TRPC6: variants seen among roughly 807,000 people sequenced by gnomAD.
TRPC6 encodes the protein short transient receptor potential channel 6.
A neutral mutation model predicts 90.7 loss-of-function variants in TRPC6; 55 were observed. The observed-to-expected ratio is 0.61, with a 90% CI of 0.49 to 0.76. The LOEUF is 0.76. TRPC6 is among the 30% of genes least tolerant of loss of function. The probability of loss-of-function intolerance (pLI) is 0.00; values close to 1 mark genes in which losing one functional copy is unlikely to be tolerated. For missense variants in TRPC6, 989 were observed against 1,122.7 expected (o/e 0.88, Z 1.70); for synonymous variants, 393 against 393.0 (o/e 1.00, Z 0.00).
At position 101,453,639 on chromosome 11, in the gene TRPC6, G is replaced by A. The variant is rs773475082; in HGVS notation, c.2644+11C>T. The A allele has an allele frequency of 7.4e-6, 12 of 1,613,622 alleles. No individual in the cohort carries two copies. Among genetic ancestry groups the A allele is most frequent in the East Asian group, 4.5e-5 (2 of 44,876 alleles). On this transcript the variant is annotated intron_variant, in intron 12 of 12. Transcript: ENST00000344327. Reference sequence around the variant, plus strand: ...CATTCAGGGGCTGATTTGCTTCTGCGTTCAACTCACCTTCGTTCACTTCAT... The same window carrying A: ...CATTCAGGGGCTGATTTGCTTCTGCATTCAACTCACCTTCGTTCACTTCAT...
At position 101,583,799 on chromosome 11, in the gene TRPC6, G is replaced by T; in HGVS notation, c.-296C>A. 2.8e-6 allele frequency: 1 copy of T among 351,638 alleles called. No individual in the cohort carries two copies. Among genetic ancestry groups the T allele is most frequent in the Non-Finnish European group, 5.1e-6 (1 of 195,628 alleles). 21.8% of individuals were successfully genotyped at this position (351,638 alleles called of 1,614,324 possible). ...GCGCCCGGGCAGAGAGGGCACAGGCGGGGCCGCTGGTGGTAGCGAAGCGTA... is the reference window on the plus strand; with the variant it reads ...GCGCCCGGGCAGAGAGGGCACAGGCTGGGCCGCTGGTGGTAGCGAAGCGTA... On this transcript the variant is annotated 5_prime_UTR_variant, in exon 1 of 13. Coordinates refer to ENST00000344327, the MANE Select transcript of TRPC6 (RefSeq NM_004621.6).
intron 1 of TRPC6, among the ~76,000 whole-genome samples, chr11:101,551,945 G>A (rs1464535263): frequency 6.6e-6 from 1 of 151,996 alleles, no homozygotes; most frequent in East Asian, 1.9e-4. Flanking sequence ...GTGTCTCCTT[G>A]TAGAAACTGG....
chr11:101,577,839 G>A (rs1211667586), intron 1 of TRPC6, among the ~76,000 whole-genome samples: 1 of 152,188 alleles, frequency 6.6e-6, no homozygotes, highest in East Asian at 1.9e-4. Flanking sequence ...CCTCAGGCTA[G>A]AGAGCTAAAA....
At chr11:101,558,203 G>C (rs1470986773) in intron 1 of TRPC6, among the ~76,000 whole-genome samples, 1 of 79,990 alleles carries the variant, frequency 1.3e-5, no homozygotes, top group African/African-American at 4.9e-5. Flanking sequence ...ATATATGTGT[G>C]TGTATACATG....
intron 10 of TRPC6, among the ~76,000 whole-genome samples, chr11:101,461,125 T>C (rs1034220673): frequency 3.3e-5 from 5 of 152,230 alleles, no homozygotes; most frequent in Admixed American, 1.3e-4. Flanking sequence ...CAGGAATGAC[T>C]GAATTCTTTT....
At chr11:101,506,369 C>T (rs2136747429) in intron 1 of TRPC6, among the ~76,000 whole-genome samples, 1 of 152,250 alleles carries the variant, frequency 6.6e-6, no homozygotes, top group African/African-American at 2.4e-5. Context: ...GTTGCTTTCC[C>T]TACTGGCCTT....
chr11:101,573,663 C>T (rs1210661145), intron 1 of TRPC6, among the ~76,000 whole-genome samples: 1 of 152,166 alleles, frequency 6.6e-6, no homozygotes, highest in African/African-American at 2.4e-5. Context: ...CTCTAGCCCA[C>T]TGAACATCAT....
intron 2 of TRPC6, among the ~76,000 whole-genome samples, 175 bp from the exon 3 acceptor site, chr11:101,491,913 T>C (rs899439846): frequency 7.0e-6 from 1 of 142,480 alleles, no homozygotes; most frequent in Non-Finnish European, 1.5e-5. Context: ...CAATCTTGGC[T>C]CACTGCAAGA....
intron 1 of TRPC6, among the ~76,000 whole-genome samples, chr11:101,527,865 AG>A (rs1860816109): frequency 6.6e-6 from 1 of 152,086 alleles, no homozygotes; most frequent in African/African-American, 2.4e-5. Flanking sequence ...TGAGGTCAGG[AG>A]TTAGAGACCA....
chr11:101,453,765 G>T (rs1324201635), intron 11 of TRPC6, 40 bp from the exon 12 acceptor site: 1 of 1,578,736 alleles, frequency 6.3e-7, no homozygotes, highest in South Asian at 1.1e-5. Flanking sequence ...TCAGTTTCAG[G>T]TTCATGACAA....
At chr11:101,483,727 T>C (rs1859606918) in intron 4 of TRPC6, among the ~76,000 whole-genome samples, 1 of 152,192 alleles carries the variant, frequency 6.6e-6, no homozygotes, top group African/African-American at 2.4e-5. Flanking sequence ...CTACAGTGTA[T>C]TGAAACAATC....
At chr11:101,562,363 T>G (rs1296400859) in intron 1 of TRPC6, among the ~76,000 whole-genome samples, 2 of 152,202 alleles carry the variant, frequency 1.3e-5, no homozygotes, top group Non-Finnish European at 2.9e-5. Context: ...TTAGTACCTG[T>G]GAATTTGGAC....
At chr11:101,463,362 T>C (rs1340062579) in intron 10 of TRPC6, among the ~76,000 whole-genome samples, 1 of 152,246 alleles carries the variant, frequency 6.6e-6, no homozygotes, top group Non-Finnish European at 1.5e-5. Context: ...TTCTATTGTT[T>C]GGAATAGTTT....
rs72974376 is a variant in TRPC6 at position 101,561,535 on chromosome 11, C to T, written c.170+21799G>A. On this transcript the variant is annotated intron_variant, in intron 1 of 12. Transcript: ENST00000344327. ...AGTGGTTCTCATCCTTTATATCCTT[C>T]TACTCTACATCTGACCCAAGAGCTC... Among the ~76,000 whole-genome samples, 621 of 152,192 alleles carry T rather than the reference C, an allele frequency of 4.1e-3. 3 individuals carry two copies. The highest frequency in any genetic ancestry group is 6.8e-3 in the Non-Finnish European group (459 of 67,992).
rs1016016472 is a variant in TRPC6, at chr11:101,452,076, C to T, written c.*879G>A. 1.3e-5 allele frequency: 2 copies of T among 152,148 alleles called. No homozygotes were observed. Among genetic ancestry groups the T allele is most frequent in the African/African-American group, 4.8e-5 (2 of 41,426 alleles). 9.4% of individuals were successfully genotyped at this position (152,148 alleles called of 1,614,324 possible). ...GTGTGGGGATTCATCTGTAAATGCT[C>T]CCAGAAATGGCACAAAATTGTGCTA... On this transcript the variant is annotated 3_prime_UTR_variant, in exon 13 of 13. Coordinates refer to ENST00000344327, the MANE Select transcript of TRPC6 (RefSeq NM_004621.6).
intron 3 of TRPC6, among the ~76,000 whole-genome samples, chr11:101,489,590 TCTTGTGCCAAAAA>T (rs1259938395): frequency 6.6e-6 from 1 of 152,026 alleles, no homozygotes; most frequent in Non-Finnish European, 1.5e-5. Flanking sequence ...CTCCTTTTAT[TCTTGTGCCAAAAA>T]CTCTTTCACT....
At chr11:101,521,297 A>G (rs1860654479) in intron 1 of TRPC6, among the ~76,000 whole-genome samples, 1 of 152,270 alleles carries the variant, frequency 6.6e-6, no homozygotes, top group African/African-American at 2.4e-5. Flanking sequence ...CTGCGGCTGA[A>G]AGGGTCCCAG....
In TRPC6 at chr11:101,536,399, T is replaced by TC. The variant is rs778827135; in HGVS notation, c.171-31602dup. ...AAGACTCGATCCCCCAGCCCCTCCC[T>TC]CCCCCCCACCAAAAAAAAAGAAAGA... On this transcript the variant is annotated intron_variant, in intron 1 of 12. Transcript: ENST00000344327. Among the ~76,000 whole-genome samples, 286 of 86,616 alleles carry TC rather than the reference T, an allele frequency of 3.3e-3. 5 individuals are homozygous for TC. In the East Asian group the frequency reaches 0.042, roughly 13 times the overall value. 56.8% of individuals were successfully genotyped at this position (86,616 alleles called of 152,430 possible).
chr11:101,509,777 C>T (rs1466419430), intron 1 of TRPC6, among the ~76,000 whole-genome samples: 1 of 151,862 alleles, frequency 6.6e-6, no homozygotes, highest in African/African-American at 2.4e-5. Context: ...ACATATTAAT[C>T]ATATGCAATG....
Sources: allele counts gnomAD v4.1 joint callset (sites outside exome capture counted in the v4.1 genomes callset), GRCh38; gene constraint gnomAD v4.1.1; transcripts MANE v1.5; gene names NCBI Gene and HGNC (gene_info 2026-07-23, HGNC 2026-07-21).